CFAP77: variants seen among roughly 807,000 people sequenced by gnomAD.
CFAP77 encodes cilia- and flagella-associated protein 77.
Under a neutral mutation model 31.1 loss-of-function variants are expected in CFAP77, and 25 were observed. The ratio of observed to expected loss-of-function variants is 0.80; its 90% confidence interval spans 0.59 to 1.12. The LOEUF (loss-of-function observed/expected upper bound fraction) is 1.12. CFAP77 is among the 50% of genes most tolerant of loss of function. The pLI, the probability that CFAP77 is intolerant of heterozygous loss-of-function variation, is 0.00. For synonymous variants in CFAP77, 151 were observed against 159.9 expected (o/e 0.94, Z 0.42); for missense variants, 377 against 397.3 (o/e 0.95, Z 0.44).
At position 132,559,293 on chromosome 9, in the gene CFAP77, C is replaced by T. The variant is rs142375391; in HGVS notation, c.733-13095C>T. ...CCGGGAGGCGGAGGTTGCAGTGAGC[C>T]GAGATCGCGCCACTGCACTCCAGCC... On this transcript the variant is annotated intron_variant, in intron 5 of 5. Transcript: ENST00000393216. 5.7e-4 allele frequency among the ~76,000 whole-genome samples: 81 copies of T among 141,866 alleles called. 1 individual carries two copies. The East Asian group carries it at 0.014, about 25-fold the overall frequency. 93.1% of individuals were successfully genotyped at this position (141,866 alleles called of 152,430 possible). A position where few individuals can be genotyped will look rare whatever the true frequency, so the allele number is the denominator to read the frequency against.
In CFAP77 at chr9:132,564,281, G is replaced by T. The variant is rs1829858477; in HGVS notation, c.733-8107G>T. 6.6e-6 allele frequency among the ~76,000 whole-genome samples: 1 copy of T among 152,170 alleles called. No homozygotes were observed. The highest frequency in any genetic ancestry group is 1.5e-5 in the Non-Finnish European group (1 of 68,040). ...TCCCATGGACATCTTCTCTAGGATA[G>T]CACCAGTTCATTCCACATGAGGATT... is the stretch of plus-strand genomic sequence containing the variant. On this transcript the variant is annotated intron_variant, in intron 5 of 5. Transcript: ENST00000393216. The surrounding 1 kb of genome is among the most constrained non-coding windows in gnomAD (Gnocchi z 4.6).
intron 1 of CFAP77, among the ~76,000 whole-genome samples, chr9:132,414,303 T>A (rs1409120394): frequency 1.3e-5 from 2 of 152,216 alleles, no homozygotes; most frequent in Non-Finnish European, 2.9e-5. Flanking sequence ...CATCCTGAGC[T>A]TTCCTGGGGG....
At chr9:132,537,527 G>C (rs1031474086) in intron 3 of CFAP77, 74 bp from the exon 4 acceptor site, 3 of 1,095,272 alleles carry the variant, frequency 2.7e-6, no homozygotes, top group Non-Finnish European at 4.1e-6. Context: ...GAGGCTCCCG[G>C]GGGCGGGCGG....
At chr9:132,537,486 A>G in intron 3 of CFAP77, 115 bp from the exon 4 acceptor site, 2 of 677,404 alleles carry the variant, frequency 3.0e-6, no homozygotes, top group Admixed American at 4.9e-5. Context: ...CAGAGGTGGG[A>G]GTGATGTACC....
chr9:132,419,508 T>C (rs973850283), intron 1 of CFAP77, among the ~76,000 whole-genome samples: 1 of 152,214 alleles, frequency 6.6e-6, no homozygotes, highest in Non-Finnish European at 1.5e-5. Context: ...CCACAGCATT[T>C]CTGTTGAGGG....
At chr9:132,441,893 C>T (rs901040184) in intron 1 of CFAP77, among the ~76,000 whole-genome samples, 3 of 152,242 alleles carry the variant, frequency 2.0e-5, no homozygotes, top group Non-Finnish European at 2.9e-5. Flanking sequence ...CACCCCAGAC[C>T]TTCCTAATCA....
rs1852875035 is a variant in CFAP77, at chr9:132,554,934, A to C, written c.732+11887A>C. 7.4e-6 allele frequency among the ~76,000 whole-genome samples: 1 copy of C among 135,628 alleles called. No homozygotes were observed. The highest frequency in any genetic ancestry group is 3.1e-5 in the African/African-American group (1 of 32,772). The allele number at this position is 135,628 out of a possible 152,430, so 89.0% of individuals were successfully genotyped here. ...TATGCATGCATGCATGCATCCATCC[A>C]TCCACCCATCCATCCATCCATCCAT... On this transcript the variant is annotated intron_variant, in intron 5 of 5. Transcript: ENST00000393216. The surrounding 1 kb of genome is among the most constrained non-coding windows in gnomAD (Gnocchi z 4.1).
At chr9:132,471,959 G>A (rs1250968231) in intron 1 of CFAP77, among the ~76,000 whole-genome samples, 2 of 152,138 alleles carry the variant, frequency 1.3e-5, no homozygotes, top group African/African-American at 2.4e-5. Flanking sequence ...CAATCTGCCT[G>A]CCTTGGGCTC....
intron 1 of CFAP77, among the ~76,000 whole-genome samples, chr9:132,451,965 C>T (rs918369154): frequency 6.6e-6 from 1 of 151,848 alleles, no homozygotes; most frequent in African/African-American, 2.4e-5. Context: ...CCACTATGCC[C>T]GACTAATTTT....
chr9:132,454,579 A>G (rs1850881996), intron 1 of CFAP77, among the ~76,000 whole-genome samples: 1 of 152,240 alleles, frequency 6.6e-6, no homozygotes, highest in African/African-American at 2.4e-5. Context: ...CTGCCCACAC[A>G]TCACATTTTT....
At position 132,495,861 on chromosome 9, in the gene CFAP77, A is replaced by C. The variant is rs1042825734; in HGVS notation, c.196-2834A>C. On this transcript the variant is annotated intron_variant, in intron 1 of 5. Coordinates refer to ENST00000393216, the MANE Select transcript of CFAP77 (RefSeq NM_001282957.2). This position sits in a 1 kb window ranked among gnomAD's most constrained non-coding sequence, Gnocchi z 4.2. ...CTCTCTGCCACGTGAAGATACAACA[A>C]GAAGGCGGCCATCTGCAAACCAAGA... Among the ~76,000 whole-genome samples the C allele has an allele frequency of 6.6e-6, 1 of 152,208 alleles. No homozygotes were observed.
intron 5 of CFAP77, among the ~76,000 whole-genome samples, chr9:132,551,301 T>C (rs1852816612): frequency 6.7e-6 from 1 of 148,570 alleles, no homozygotes; most frequent in South Asian, 2.1e-4. Flanking sequence ...TTTTTTAAAC[T>C]GTATTTTATT....
At chr9:132,494,565 G>A (rs1396106267) in intron 1 of CFAP77, among the ~76,000 whole-genome samples, 1 of 152,196 alleles carries the variant, frequency 6.6e-6, no homozygotes, top group Non-Finnish European at 1.5e-5. Flanking sequence ...ACATGTTCTT[G>A]GGTGGATGTA....
intron 1 of CFAP77, among the ~76,000 whole-genome samples, chr9:132,485,065 T>C (rs895707667): frequency 2.0e-5 from 3 of 152,138 alleles, no homozygotes; most frequent in African/African-American, 7.2e-5. Flanking sequence ...GCCGGGCTAG[T>C]CTCGAACTGA....
intron 1 of CFAP77, 88 bp downstream of exon 1, chr9:132,410,554 C>A: frequency 8.3e-7 from 1 of 1,202,098 alleles, no homozygotes; most frequent in Non-Finnish European, 1.1e-6. Context: ...CGCCCTGGCC[C>A]CGCGGCCCGG....
chr9:132,538,923 T>C (rs138266548), intron 4 of CFAP77, among the ~76,000 whole-genome samples: 7,957 of 151,482 alleles, frequency 0.053, 270 homozygotes, highest in Non-Finnish European at 0.083. Context: ...CCGTCTCTAC[T>C]AAAAATACAA....
chr9:132,436,857 G>A (rs1850512712), intron 1 of CFAP77, among the ~76,000 whole-genome samples: 1 of 152,170 alleles, frequency 6.6e-6, no homozygotes, highest in Non-Finnish European at 1.5e-5. Context: ...TAGCAGTTTT[G>A]CAAAAATTAT....
intron 3 of CFAP77, among the ~76,000 whole-genome samples, chr9:132,532,330 C>A (rs1564243136): frequency 6.6e-6 from 1 of 152,216 alleles, no homozygotes; most frequent in Non-Finnish European, 1.5e-5. Flanking sequence ...GCAGCTGTCT[C>A]TGGGCCATAA....
At position 132,572,453 on chromosome 9, in the gene CFAP77, G is replaced by A. The variant is rs758982709; in HGVS notation, c.798G>A (p.Arg266=). 6 of 1,612,012 alleles carry A rather than the reference G, an allele frequency of 3.7e-6. No homozygotes were observed. In the Admixed American group the frequency reaches 1.0e-4, roughly 27 times the overall value. ...GCCAGAGAGCATTAAAAGCCCACCG[G>A]GAAGAGTGTGCCGTGCGCCAGGGGA... ...ADRQRALKAH[R]EECAVRQGTL... Residue 266 remains arginine, a synonymous_variant, in exon 6 of 6, where the codon CGG becomes CGA. Coordinates refer to ENST00000393216, the MANE Select transcript of CFAP77 (RefSeq NM_001282957.2).
Sources: gnomAD v4.1 joint callset for allele counts (sites outside exome capture counted in the v4.1 genomes callset) on GRCh38, gnomAD v4.1.1 for gene constraint, Gnocchi (gnomAD v3.1) non-coding constraint, MANE v1.5 for transcripts, NCBI Gene and HGNC (gene_info 2026-07-23, HGNC 2026-07-21) for gene names.